Variants in LTBP1 observed in about 807,000 individuals in gnomAD.
LTBP1 encodes the protein latent-transforming growth factor beta-binding protein 1.
Under a neutral mutation model 207.6 loss-of-function variants are expected in LTBP1, and 129 were observed. The observed-to-expected ratio is 0.62, with a 90% CI of 0.54 to 0.72. LTBP1 has a LOEUF of 0.72. Among genes scored for constraint, LTBP1 ranks in the 30% least tolerant of loss-of-function variants. The pLI, the probability that LTBP1 is intolerant of heterozygous loss-of-function variation, is 0.00. For synonymous variants in LTBP1, 963 were observed against 833.7 expected, an observed-to-expected ratio of 1.16 and a Z score of -2.67; for missense variants, 2,281 against 2,217.2, an observed-to-expected ratio of 1.03 and a Z score of -0.58.
intron 2 of LTBP1, among the ~76,000 whole-genome samples, chr2:32,971,213 A>G (rs1680825179): frequency 6.6e-6 from 1 of 152,150 alleles, no homozygotes; most frequent in African/African-American, 2.4e-5. Context: ...GGGGTTTTCT[A>G]GATATAAAAT....
intron 4 of LTBP1, among the ~76,000 whole-genome samples, chr2:33,115,448 C>T (rs1049479881): frequency 6.6e-6 from 1 of 152,046 alleles, no homozygotes; most frequent in Non-Finnish European, 1.5e-5. Context: ...AACCTGAAAA[C>T]ACTAAAAATA....
At chr2:32,990,526 T>C (rs1406754525) in intron 2 of LTBP1, among the ~76,000 whole-genome samples, 3 of 152,232 alleles carry the variant, frequency 2.0e-5, no homozygotes, top group Non-Finnish European at 4.4e-5. Flanking sequence ...TATTCTTTAG[T>C]ATTTACTTAC....
intron 24 of LTBP1, among the ~76,000 whole-genome samples, chr2:33,329,122 C>T (rs2094464522): frequency 6.6e-6 from 1 of 152,304 alleles, no homozygotes; most frequent in African/African-American, 2.4e-5. Context: ...CCAGTTTACA[C>T]TGCTACCAGC....
At chr2:33,029,079 G>C (rs1051391200) in intron 3 of LTBP1, among the ~76,000 whole-genome samples, 1 of 152,198 alleles carries the variant, frequency 6.6e-6, no homozygotes, top group Non-Finnish European at 1.5e-5. Context: ...AGATCATACA[G>C]TTCTAGAGTA....
At chr2:32,954,232 C>T (rs1036357900) in intron 2 of LTBP1, among the ~76,000 whole-genome samples, 2 of 152,180 alleles carry the variant, frequency 1.3e-5, no homozygotes, top group Non-Finnish European at 2.9e-5. Flanking sequence ...GATTGGCTTC[C>T]ACTGCCTAAC....
chr2:33,160,791 T>A (rs1404252477), intron 5 of LTBP1, among the ~76,000 whole-genome samples: 7 of 152,234 alleles, frequency 4.6e-5, no homozygotes, highest in African/African-American at 1.7e-4. Context: ...CCACTCTATC[T>A]GTTGCTGACC....
At chr2:33,132,103 A>G (rs571930300) in intron 4 of LTBP1, among the ~76,000 whole-genome samples, 21 of 152,368 alleles carry the variant, frequency 1.4e-4, no homozygotes, top group East Asian at 1.3e-3. Context: ...TCATGATTGT[A>G]CCAGGAGCCA....
intron 5 of LTBP1, among the ~76,000 whole-genome samples, chr2:33,165,828 C>T (rs2084865001): frequency 6.6e-6 from 1 of 152,086 alleles, no homozygotes. Context: ...AGAAGAAGTA[C>T]AGTTTTAGAA....
chr2:33,002,363 A>G (rs1488373569), intron 2 of LTBP1, among the ~76,000 whole-genome samples: 1 of 152,112 alleles, frequency 6.6e-6, no homozygotes, highest in Non-Finnish European at 1.5e-5. Flanking sequence ...TGTTTGTGTT[A>G]TGTTGGGTGG....
At chr2:33,146,645 A>C (rs1297382620) in intron 5 of LTBP1, among the ~76,000 whole-genome samples, 1 of 152,200 alleles carries the variant, frequency 6.6e-6, no homozygotes, top group East Asian at 1.9e-4. Context: ...GCTGTACAGG[A>C]AGCATGGTTG....
At chr2:33,172,330 CA>C (rs1301444109) in intron 5 of LTBP1, among the ~76,000 whole-genome samples, 2 of 151,546 alleles carry the variant, frequency 1.3e-5, no homozygotes, top group African/African-American at 4.8e-5. Context: ...AAATGGAAAA[CA>C]AAAAAAGGCA....
At chr2:33,137,361 G>T (rs1005988249) in intron 5 of LTBP1, among the ~76,000 whole-genome samples, 2 of 152,124 alleles carry the variant, frequency 1.3e-5, no homozygotes, top group African/African-American at 4.8e-5. Context: ...TACTCCCTTT[G>T]ATCTCTAATA....
intron 3 of LTBP1, among the ~76,000 whole-genome samples, chr2:33,046,776 G>T (rs575393895): frequency 6.6e-6 from 1 of 152,060 alleles, no homozygotes; most frequent in Non-Finnish European, 1.5e-5. Context: ...ATTAATTACC[G>T]CCTCAATTTC....
rs4422143 is a variant in LTBP1 at position 33,360,729 on chromosome 2, T to C, written c.4133T>C (p.Val1378Ala). The C allele has an allele frequency of 1, 1,613,997 of 1,614,084 alleles. 806,955 individuals carry two copies. The highest frequency in any genetic ancestry group is 1 in the Middle Eastern group (6,060 of 6,060). The change falls in exon 27 of 34, where the codon GTG becomes GCG. Residue 1378 changes from valine (V) to alanine (A), a missense_variant. This residue lies in a region of LTBP1 where 1,671 missense variants were observed against 1,634.8 expected (regional missense o/e 1.02). Coordinates refer to ENST00000404816, the MANE Select transcript of LTBP1 (RefSeq NM_206943.4). ...CAAGAATGCTGCTGTACATCAGGCG[T>C]GGGATGGGGAGATAACTGCGAAATC... ...TKQECCCTSG[V>A]GWGDNCEIFP...
At chr2:33,095,336 C>G (rs2079326217) in intron 3 of LTBP1, among the ~76,000 whole-genome samples, 1 of 152,182 alleles carries the variant, frequency 6.6e-6, no homozygotes. Flanking sequence ...TATATAAACT[C>G]TTCCCAAATT....
chr2:33,360,617 C>A lies in LTBP1; in HGVS notation c.4021C>A (p.Gln1341Lys). 3 of 1,613,128 alleles carry A rather than the reference C, an allele frequency of 1.9e-6. No homozygotes were observed. Among genetic ancestry groups the A allele is most frequent in the South Asian group, 1.1e-5 (1 of 91,030 alleles). Residue 1341 changes from glutamine (Q) to lysine (K), a missense_variant, in exon 27 of 34, where the codon CAA becomes AAA. Transcript: ENST00000404816. Reference protein sequence around the residue: ...TSTDLDVDVDQPKEEKKECYY... With the variant: ...TSTDLDVDVDKPKEEKKECYY... ...TTTAGATTTAGATGTAGATGTAGAT[C>A]AACCCAAAGAAGAAAAGAAAGAATG... is the stretch of plus-strand genomic sequence containing the variant.
intron 24 of LTBP1, among the ~76,000 whole-genome samples, chr2:33,334,946 G>A (rs905030329): frequency 2.0e-5 from 3 of 151,080 alleles, no homozygotes; most frequent in African/African-American, 7.3e-5. Flanking sequence ...AGGCATGGCA[G>A]CATACACCTG....
rs1232600216 is a variant in LTBP1 at position 33,309,428 on chromosome 2, T to G, written c.3482-6T>G. On this transcript the variant is annotated splice_polypyrimidine_tract_variant and splice_region_variant and intron_variant, in intron 22 of 33. Coordinates refer to ENST00000404816, the MANE Select transcript of LTBP1 (RefSeq NM_206943.4). ...AGTCTTTAAAAATTTTTAAATTGGT[T>G]TTTAGATATCAATGAATGCTTGGAG... The G allele has an allele frequency of 2.5e-6, 4 of 1,583,818 alleles. No homozygotes were observed. Among genetic ancestry groups the G allele is most frequent in the Non-Finnish European group, 3.4e-6 (4 of 1,171,490 alleles).
intron 5 of LTBP1, among the ~76,000 whole-genome samples, chr2:33,174,157 G>A (rs1161874115): frequency 1.4e-5 from 2 of 146,822 alleles, no homozygotes; most frequent in Non-Finnish European, 3.0e-5. Flanking sequence ...TCTAGCCAGG[G>A]CAATCAGGCA....
Sources: gnomAD v4.1 joint callset for allele counts (sites outside exome capture counted in the v4.1 genomes callset) on GRCh38, gnomAD v4.1.1 for gene constraint, gnomAD v4.1.1 regional missense constraint, MANE v1.5 for transcripts, NCBI Gene and HGNC (gene_info 2026-07-23, HGNC 2026-07-21) for gene names.